BMERB1: variants seen among roughly 807,000 people sequenced by gnomAD.
BMERB1 encodes the protein bMERB domain containing 1, also known as bMERB domain-containing protein 1.
A neutral mutation model predicts 23.6 loss-of-function variants in BMERB1; 12 were observed. The observed-to-expected ratio is 0.51, with a 90% CI of 0.33 to 0.82. BMERB1 has a LOEUF of 0.82. Among genes scored for constraint, BMERB1 ranks in the 40% least tolerant of loss-of-function variants. BMERB1 has a pLI of 0.03. For synonymous variants in BMERB1, 122 were observed against 96.6 expected, an observed-to-expected ratio of 1.26 and a Z score of -1.54; for missense variants, 247 against 255.4, an observed-to-expected ratio of 0.97 and a Z score of 0.22.
chr16:15,582,714 T>C (rs921303148), intron 4 of BMERB1, among the ~76,000 whole-genome samples: 1 of 152,134 alleles, frequency 6.6e-6, no homozygotes, highest in African/African-American at 2.4e-5. Flanking sequence ...AAAGACCGTG[T>C]CTCTTCAAGG....
chr16:15,548,617 A>G (rs1038523388), intron 2 of BMERB1, among the ~76,000 whole-genome samples: 1 of 152,216 alleles, frequency 6.6e-6, no homozygotes, highest in East Asian at 1.9e-4. Flanking sequence ...ATTCCCCAGC[A>G]CATCACTCAT....
At chr16:15,479,355 T>C (rs576866668) in intron 1 of BMERB1, among the ~76,000 whole-genome samples, 28 of 152,316 alleles carry the variant, frequency 1.8e-4, no homozygotes, top group Middle Eastern at 3.4e-3. Flanking sequence ...TATTCCAAAA[T>C]CATACTTGAG....
At chr16:15,523,700 A>G (rs1598494527) in intron 2 of BMERB1, among the ~76,000 whole-genome samples, 1 of 152,202 alleles carries the variant, frequency 6.6e-6, no homozygotes, top group Admixed American at 6.5e-5. Context: ...ATCTCCCTGC[A>G]GCATCATAGC....
At chr16:15,440,181 G>T (rs1236361898) in intron 1 of BMERB1, among the ~76,000 whole-genome samples, 5 of 148,254 alleles carry the variant, frequency 3.4e-5, no homozygotes, top group Non-Finnish European at 7.4e-5. Flanking sequence ...GGAGGCAGAG[G>T]TTGCAGTGAG....
chr16:15,450,951 G>A (rs1475623221), intron 1 of BMERB1, among the ~76,000 whole-genome samples: 2 of 152,090 alleles, frequency 1.3e-5, no homozygotes, highest in African/African-American at 2.4e-5. Flanking sequence ...GATCATTTTA[G>A]GGTTTTCACA....
chr16:15,568,620 A>G (rs993045183), intron 3 of BMERB1, among the ~76,000 whole-genome samples: 11 of 152,210 alleles, frequency 7.2e-5, no homozygotes, highest in African/African-American at 2.7e-4. Flanking sequence ...CCTGGGCAAC[A>G]CAGCGAGACA....
chr16:15,562,703 C>CAA (rs2030457162), intron 2 of BMERB1, among the ~76,000 whole-genome samples: 1 of 152,130 alleles, frequency 6.6e-6, no homozygotes, highest in South Asian at 2.1e-4. Context: ...CAGGCATTGC[C>CAA]AAATGTTCCT....
At chr16:15,481,125 A>G (rs977205570) in intron 1 of BMERB1, among the ~76,000 whole-genome samples, 1 of 152,214 alleles carries the variant, frequency 6.6e-6, no homozygotes, top group African/African-American at 2.4e-5. Flanking sequence ...ATCTAATTGT[A>G]TCATCATGGA....
chr16:15,575,252 T>C (rs1481477578), intron 3 of BMERB1, among the ~76,000 whole-genome samples: 1 of 152,166 alleles, frequency 6.6e-6, no homozygotes, highest in Non-Finnish European at 1.5e-5. Flanking sequence ...TGCCAGTGGA[T>C]CCATTTGGTA....
chr16:15,515,338 C>G lies in BMERB1; in HGVS notation c.140C>G (p.Thr47Ser). Residue 47 changes from threonine (T) to serine (S), a missense_variant, in exon 2 of 6, where the codon ACC becomes AGC. Coordinates refer to ENST00000300006, the MANE Select transcript of BMERB1 (RefSeq NM_033201.3). ...QLDIISMAETTMMPEEIELEM... is the reference protein window; with the variant it reads ...QLDIISMAETSMMPEEIELEM... ...GACATCATCTCCATGGCGGAGACAACCATGATGCCAGAGGAGATTGAGCTG... is the reference window on the plus strand; with the variant it reads ...GACATCATCTCCATGGCGGAGACAAGCATGATGCCAGAGGAGATTGAGCTG... 1 of 1,613,812 alleles carries G rather than the reference C, an allele frequency of 6.2e-7. No individual in the cohort carries two copies. The highest frequency in any genetic ancestry group is 8.5e-7 in the Non-Finnish European group (1 of 1,180,002).
At position 15,581,212 on chromosome 16, in the gene BMERB1, T is replaced by C. The variant is rs759155741; in HGVS notation, c.305-5T>C. On this transcript the variant is annotated splice_polypyrimidine_tract_variant and splice_region_variant and intron_variant, in intron 3 of 5. Transcript: ENST00000300006. ...TCTGTCTCCTTGTTGATGTCTTCTT[T>C]CCAGAAAAAGAAAAAACCAAACTGC... 93 of 1,605,362 alleles carry C rather than the reference T, an allele frequency of 5.8e-5. No homozygotes were observed. Among genetic ancestry groups the C allele is most frequent in the Non-Finnish European group, 7.7e-5 (91 of 1,175,588 alleles).
At chr16:15,475,296 A>G (rs1239748146) in intron 1 of BMERB1, among the ~76,000 whole-genome samples, 1 of 152,152 alleles carries the variant, frequency 6.6e-6, no homozygotes, top group African/African-American at 2.4e-5. Flanking sequence ...AGGCAGGAGT[A>G]CAGACTAGCC....
At chr16:15,514,634 C>T (rs1275180760) in intron 1 of BMERB1, among the ~76,000 whole-genome samples, 1 of 151,480 alleles carries the variant, frequency 6.6e-6, no homozygotes, top group Non-Finnish European at 1.5e-5. Context: ...AAAAATTAGC[C>T]GGGCCTGGTG....
chr16:15,578,975 G>C (rs1488197030), intron 3 of BMERB1, among the ~76,000 whole-genome samples: 1 of 152,200 alleles, frequency 6.6e-6, no homozygotes, highest in Non-Finnish European at 1.5e-5. Context: ...TCTGTGAGCT[G>C]ACGCAGGCCA....
intron 1 of BMERB1, among the ~76,000 whole-genome samples, chr16:15,476,687 T>C (rs2051277658): frequency 6.6e-6 from 1 of 152,218 alleles, no homozygotes; most frequent in Non-Finnish European, 1.5e-5. Context: ...AGCCTCACCT[T>C]GCACCAGCTC....
intron 2 of BMERB1, among the ~76,000 whole-genome samples, chr16:15,536,274 C>A (rs12925418): frequency 0.26 from 39,194 of 151,922 alleles, 6,112 homozygotes; most frequent in East Asian, 0.51. Context: ...GCTTGTCTTC[C>A]TGACCGCTGG....
chr16:15,558,928 C>T (rs1233072107), intron 2 of BMERB1, among the ~76,000 whole-genome samples: 1 of 151,760 alleles, frequency 6.6e-6, no homozygotes, highest in East Asian at 2.0e-4. Context: ...TCCCAGAAGC[C>T]TGCCCAAGCG....
chr16:15,522,188 G>C (rs2051861459), intron 2 of BMERB1, among the ~76,000 whole-genome samples: 1 of 152,186 alleles, frequency 6.6e-6, no homozygotes, highest in African/African-American at 2.4e-5. Flanking sequence ...CTGCCACTCA[G>C]CTTGCTCTGG....
At position 15,473,858 on chromosome 16, in the gene BMERB1, G is replaced by A. The variant is rs368428131; in HGVS notation, c.106+39099G>A. On this transcript the variant is annotated intron_variant, in intron 1 of 5. Coordinates refer to ENST00000300006, the MANE Select transcript of BMERB1 (RefSeq NM_033201.3). ...TTTATGGCTGGGTGCGGTGGCTCAC[G>A]CCTGTAATCCCAGCACTTTGGGAGG... is the stretch of plus-strand genomic sequence containing the variant. Among the ~76,000 whole-genome samples, 10 of 151,820 alleles carry A rather than the reference G, an allele frequency of 6.6e-5. No individual in the cohort carries two copies. In the South Asian group the frequency reaches 2.1e-3, roughly 32 times the overall value.
Sources: gnomAD v4.1 joint callset for allele counts (sites outside exome capture counted in the v4.1 genomes callset) on GRCh38, gnomAD v4.1.1 for gene constraint, MANE v1.5 for transcripts, NCBI Gene and HGNC (gene_info 2026-07-23, HGNC 2026-07-21) for gene names.